The following KYAT3 variants were observed in gnomAD, a reference collection of about 807,000 sequenced individuals.
KYAT3 encodes the protein kynurenine aminotransferase 3.
KYAT3 carries 50 observed loss-of-function variants against 59.0 expected under a neutral mutation model. That is an observed-to-expected ratio of 0.85 (90% confidence interval 0.68 to 1.07). KYAT3 has a LOEUF of 1.07. KYAT3 is among the 50% of genes least tolerant of loss of function. The pLI is 0.00. For synonymous variants in KYAT3, 148 were observed against 177.0 expected, an observed-to-expected ratio of 0.84 and a Z score of 1.30; for missense variants, 497 against 533.3, an observed-to-expected ratio of 0.93 and a Z score of 0.67.
chr1:88,944,879 C>T (rs1302900289), intron 11 of KYAT3, among the ~76,000 whole-genome samples: 6 of 152,062 alleles, frequency 3.9e-5, no homozygotes, highest in East Asian at 3.9e-4. Context: ...GTTTCTCTCT[C>T]GTTACCCAGG....
At chr1:88,953,905 CTTT>C (rs35781634) in intron 9 of KYAT3, among the ~76,000 whole-genome samples, 3 of 141,188 alleles carry the variant, frequency 2.1e-5, no homozygotes, top group South Asian at 2.2e-4. Flanking sequence ...TCTTCTTCTT[CTTT>C]TTTTTTTTTT....
intron 1 of KYAT3, among the ~76,000 whole-genome samples, chr1:88,990,515 AC>A (rs1489246579): frequency 1.3e-5 from 2 of 152,186 alleles, no homozygotes; most frequent in Non-Finnish European, 2.9e-5. Context: ...AGCTTTAGAT[AC>A]TGGCAGGCAA....
chr1:88,924,415 A>C, the KYAT3 span, among the ~76,000 whole-genome samples: 2 of 152,056 alleles, frequency 1.3e-5, no homozygotes, highest in Non-Finnish European at 2.9e-5. Flanking sequence ...CCCATTATTT[A>C]TGGGTGTGTC....
downstream of KYAT3, among the ~76,000 whole-genome samples, chr1:88,933,680 A>C (rs745366009): frequency 6.6e-6 from 1 of 152,214 alleles, no homozygotes; most frequent in Non-Finnish European, 1.5e-5. Flanking sequence ...GTGAGGAAAT[A>C]AGATCCAGAG....
At chr1:88,983,386 G>A (rs747348637) in intron 2 of KYAT3, 4 of 1,614,080 alleles carry the variant, frequency 2.5e-6, no homozygotes, top group Non-Finnish European at 3.4e-6. Flanking sequence ...TTTTTACTGG[G>A]AGTGGTCCCC....
At chr1:88,936,787 A>G (rs1439523723) in intron 13 of KYAT3, among the ~76,000 whole-genome samples, 5 of 152,264 alleles carry the variant, frequency 3.3e-5, no homozygotes, top group Non-Finnish European at 7.3e-5. Flanking sequence ...AAAATTAAAC[A>G]GAGGTGTAAG....
chr1:88,957,900 C>CA (rs1167088247), intron 8 of KYAT3, among the ~76,000 whole-genome samples: 1 of 152,114 alleles, frequency 6.6e-6, no homozygotes, highest in Non-Finnish European at 1.5e-5. Flanking sequence ...ACAAGATGGG[C>CA]AATTGTGGCC....
chr1:88,926,281 T>C, the KYAT3 span, among the ~76,000 whole-genome samples: 1 of 152,178 alleles, frequency 6.6e-6, no homozygotes, highest in Non-Finnish European at 1.5e-5. Context: ...AAATCTTAAT[T>C]ACCATACAAA....
At chr1:88,948,760 T>C (rs1402018139) in intron 11 of KYAT3, among the ~76,000 whole-genome samples, 3 of 152,192 alleles carry the variant, frequency 2.0e-5, no homozygotes, top group Non-Finnish European at 1.5e-5. Context: ...AAAAGGAAAC[T>C]ACAATTTTAC....
chr1:88,929,874 G>C, the KYAT3 span, among the ~76,000 whole-genome samples: 2 of 152,210 alleles, frequency 1.3e-5, no homozygotes. Flanking sequence ...TGGTTTCCCA[G>C]GTACGGCGAA....
chr1:88,970,132 C>A (rs1676499321), intron 2 of KYAT3, among the ~76,000 whole-genome samples: 1 of 152,134 alleles, frequency 6.6e-6, no homozygotes, highest in African/African-American at 2.4e-5. Context: ...CTCTGAACAT[C>A]ATTTTAGGTA....
chr1:88,967,955 G>C (rs1676407305), intron 4 of KYAT3, among the ~76,000 whole-genome samples: 1 of 152,092 alleles, frequency 6.6e-6, no homozygotes, highest in South Asian at 2.1e-4. Flanking sequence ...TGTAGGGTGG[G>C]CCAGGGAGTG....
chr1:88,964,960 T>C lies in KYAT3; in HGVS notation c.322A>G (p.Lys108Glu). 1 of 1,602,128 alleles carries C rather than the reference T, an allele frequency of 6.2e-7. No homozygotes were observed. The highest frequency in any genetic ancestry group is 8.5e-7 in the Non-Finnish European group (1 of 1,177,606). Residue 108 changes from lysine (K) to glutamate (E), a missense_variant, in exon 5 of 14, where the codon AAA becomes GAA. This residue lies in a region of KYAT3 where 469 missense variants were observed against 479.1 expected (regional missense o/e 0.98). Coordinates refer to ENST00000260508, the MANE Select transcript of KYAT3 (RefSeq NM_001008661.3). The part of the protein sequence containing the change: ...TRGFGHPSLV[K>E]ALSYLYEKLY... ...TTTTCATACAGATAGGACAGAGCTT[T>C]CACAAGTGATGGATGGCCCTGTTGG...
chr1:88,965,221 G>T (rs1044865945), intron 4 of KYAT3, among the ~76,000 whole-genome samples: 3 of 152,062 alleles, frequency 2.0e-5, no homozygotes, highest in Admixed American at 6.6e-5. Context: ...TAAAGGGTTT[G>T]GGATTATATA....
intron 4 of KYAT3, among the ~76,000 whole-genome samples, chr1:88,966,315 T>A (rs1172086007): frequency 6.6e-6 from 1 of 152,204 alleles, no homozygotes; most frequent in Non-Finnish European, 1.5e-5. Flanking sequence ...TATAGACCAA[T>A]TTGGGAAAAC....
At chr1:88,933,689 A>G (rs780426930), downstream of KYAT3, among the ~76,000 whole-genome samples, 14 of 152,218 alleles carry the variant, frequency 9.2e-5, no homozygotes, top group Non-Finnish European at 1.6e-4. Context: ...TAAGATCCAG[A>G]GCACAGGCAG....
chr1:88,972,775 G>A (rs1362863196), intron 2 of KYAT3, among the ~76,000 whole-genome samples: 1 of 152,184 alleles, frequency 6.6e-6, no homozygotes, highest in African/African-American at 2.4e-5. Flanking sequence ...TTATTGGGCA[G>A]AGCAATTTCA....
At chr1:88,951,962 G>A (rs996672488) in intron 10 of KYAT3, among the ~76,000 whole-genome samples, 1 of 152,076 alleles carries the variant, frequency 6.6e-6, no homozygotes, top group African/African-American at 2.4e-5. Context: ...AGGGAAAAAG[G>A]GAGGCAGGAG....
At chr1:88,958,346 C>T (rs371187037) in intron 8 of KYAT3, among the ~76,000 whole-genome samples, 52 of 151,490 alleles carry the variant, frequency 3.4e-4, no homozygotes, top group African/African-American at 1.1e-3. Context: ...TAAATAGCCC[C>T]GATGTACCAT....
Sources: allele counts gnomAD v4.1 joint callset (sites outside exome capture counted in the v4.1 genomes callset), GRCh38; gene constraint gnomAD v4.1.1; regional missense constraint gnomAD v4.1.1; transcripts MANE v1.5; gene names NCBI Gene and HGNC (gene_info 2026-07-23, HGNC 2026-07-21).